The following ITGA11 variants were observed in gnomAD, a reference collection of about 807,000 sequenced individuals.
ITGA11 encodes the protein integrin alpha-11.
Under a neutral mutation model 141.9 loss-of-function variants are expected in ITGA11, and 97 were observed. That is an observed-to-expected ratio of 0.68 (90% CI 0.58 to 0.81). The LOEUF (loss-of-function observed/expected upper bound fraction) is 0.81, where lower values mean the gene tolerates loss of function less well. ITGA11 is among the 30% of genes least tolerant of loss of function. The pLI is 0.00. For missense variants in ITGA11, 1,387 were observed against 1,559.2 expected (o/e 0.89, Z 1.86); for synonymous variants, 658 against 624.6 (o/e 1.05, Z -0.80).
chr15:68,369,407 G>A (rs1895522039), intron 2 of ITGA11, 123 bp from the exon 3 acceptor site: 2 of 646,286 alleles, frequency 3.1e-6, no homozygotes, highest in African/African-American at 1.8e-5. Context: ...AACCCTGGAG[G>A]TGTGACCACA....
chr15:68,351,213 G>T, intron 8 of ITGA11, 45 bp downstream of exon 8: 5 of 1,606,214 alleles, frequency 3.1e-6, no homozygotes, highest in Admixed American at 1.7e-5. Flanking sequence ...TGATGGTAAA[G>T]CCTCTCAGAG....
At chr15:68,417,372 T>C (rs1308514103) in intron 1 of ITGA11, among the ~76,000 whole-genome samples, 7 of 152,240 alleles carry the variant, frequency 4.6e-5, no homozygotes, top group South Asian at 4.1e-4. Flanking sequence ...TCCTGCAAGT[T>C]CTAGCCCTCC....
intron 10 of ITGA11, among the ~76,000 whole-genome samples, chr15:68,341,969 G>A (rs1894587049): frequency 6.6e-6 from 1 of 152,196 alleles, no homozygotes; most frequent in Non-Finnish European, 1.5e-5. Flanking sequence ...CTGCAGTCTT[G>A]GGCCTGCAGT....
rs1358236298 is a variant in ITGA11, at chr15:68,321,073, T to C, written c.2408+345A>G. Among the ~76,000 whole-genome samples, 1 of 152,086 alleles carries C rather than the reference T, an allele frequency of 6.6e-6. No homozygotes were observed. Among genetic ancestry groups the C allele is most frequent in the Non-Finnish European group, 1.5e-5 (1 of 68,030 alleles). Reference sequence around the variant, plus strand: ...GCCAGCGGGCCTAGAGGTCACCTCATCTGGGGGCTGAAGGACAAGCACCCA... The same window carrying C: ...GCCAGCGGGCCTAGAGGTCACCTCACCTGGGGGCTGAAGGACAAGCACCCA... On this transcript the variant is annotated intron_variant, in intron 19 of 29. Coordinates refer to ENST00000315757, the MANE Select transcript of ITGA11 (RefSeq NM_001004439.2). This position sits in a 1 kb window ranked among gnomAD's most constrained non-coding sequence, Gnocchi z 4.9.
At position 68,382,269 on chromosome 15, in the gene ITGA11, A is replaced by C. The variant is rs1257855848; in HGVS notation, c.165-12985T>G. ...ATAAAATCATTGGCTCGGCAGTTGG[A>C]AAGTGGCAGAAGAGAAATTGCAGAG... On this transcript the variant is annotated intron_variant, in intron 2 of 29. Transcript: ENST00000315757. 2.0e-5 allele frequency among the ~76,000 whole-genome samples: 3 copies of C among 152,158 alleles called. 1 individual carries two copies. In the South Asian group the frequency reaches 6.2e-4, roughly 31 times the overall value.
At position 68,303,304 on chromosome 15, in the gene ITGA11, G is replaced by A. The variant is rs1225975597; in HGVS notation, c.3496-174C>T. 6.6e-6 allele frequency among the ~76,000 whole-genome samples: 1 copy of A among 152,140 alleles called. No individual in the cohort carries two copies. The highest frequency in any genetic ancestry group is 1.5e-5 in the Non-Finnish European group (1 of 68,032). ...CTGCCTCTGTGGACTGGAACACAGT[G>A]GATGAGACCATGGGCTGCATGCAAG... On this transcript the variant is annotated intron_variant, in intron 29 of 29. Transcript: ENST00000315757. This position sits in a 1 kb window ranked among gnomAD's most constrained non-coding sequence, Gnocchi z 5.3.
At chr15:68,336,080 C>T in intron 11 of ITGA11, 1 of 575,802 alleles carries the variant, frequency 1.7e-6, no homozygotes, top group Non-Finnish European at 3.1e-6. Flanking sequence ...TGCACCCCAG[C>T]CCCTGCTGGA....
In ITGA11 at chr15:68,362,265, G is replaced by T. The variant is rs1031468456; in HGVS notation, c.358-561C>A. ...TCCCCATTGAAGGACTGAGTGAAGG[G>T]TTCTTCTCAGAGTCATTGTCATTAA... On this transcript the variant is annotated intron_variant, in intron 4 of 29. Coordinates refer to ENST00000315757, the MANE Select transcript of ITGA11 (RefSeq NM_001004439.2). Among the ~76,000 whole-genome samples, 5 of 152,188 alleles carry T rather than the reference G, an allele frequency of 3.3e-5. No individual in the cohort carries two copies. The East Asian group carries it at 7.7e-4, about 23-fold the overall frequency.
At chr15:68,390,676 G>C (rs532987046) in intron 2 of ITGA11, among the ~76,000 whole-genome samples, 1 of 152,328 alleles carries the variant, frequency 6.6e-6, no homozygotes, top group South Asian at 2.1e-4. Flanking sequence ...AATCAAGTCA[G>C]CAGTGGCCTG....
At chr15:68,343,380 C>G (rs1416709742) in intron 10 of ITGA11, among the ~76,000 whole-genome samples, 2 of 152,170 alleles carry the variant, frequency 1.3e-5, no homozygotes, top group African/African-American at 4.8e-5. Flanking sequence ...TAGTAAGTCT[C>G]AAAACGAACA....
At chr15:68,385,613 G>A (rs559092576) in intron 2 of ITGA11, among the ~76,000 whole-genome samples, 134 of 152,294 alleles carry the variant, frequency 8.8e-4, no homozygotes, top group African/African-American at 3.2e-3. Context: ...ATTTAGTTTG[G>A]GTAAATATCA....
rs1446443528 is a variant in ITGA11 at position 68,335,178 on chromosome 15, TG to T, written c.1425+518del. On this transcript the variant is annotated intron_variant, in intron 12 of 29. Transcript: ENST00000315757. This position sits in a 1 kb window ranked among gnomAD's most constrained non-coding sequence, Gnocchi z 4.9. ...GCCCAGGCCTGATTTTGGGGTTATT[TG>T]GGGTCAGGAGGTGGCATGATGCAGG... Among the ~76,000 whole-genome samples the T allele has an allele frequency of 1.3e-5, 2 of 151,990 alleles. No homozygotes were observed. Among genetic ancestry groups the T allele is most frequent in the Non-Finnish European group, 2.9e-5 (2 of 67,980 alleles).
At chr15:68,345,749 G>T (rs1894724644) in intron 10 of ITGA11, among the ~76,000 whole-genome samples, 1 of 152,170 alleles carries the variant, frequency 6.6e-6, no homozygotes, top group Admixed American at 6.5e-5. Context: ...TCAGGGCAAA[G>T]TGGAAAGGCT....
chr15:68,410,737 T>C (rs1417560766), intron 1 of ITGA11, among the ~76,000 whole-genome samples: 2 of 152,166 alleles, frequency 1.3e-5, no homozygotes, highest in Non-Finnish European at 2.9e-5. Flanking sequence ...TTGGGAGCAT[T>C]GCTGGAGGCC....
At chr15:68,374,243 T>C (rs1050378395) in intron 2 of ITGA11, among the ~76,000 whole-genome samples, 3 of 152,336 alleles carry the variant, frequency 2.0e-5, no homozygotes, top group South Asian at 2.1e-4. Flanking sequence ...TTTAACTGAA[T>C]GCATAAAACT....
At chr15:68,403,296 C>T (rs1003780314) in intron 1 of ITGA11, among the ~76,000 whole-genome samples, 7 of 152,136 alleles carry the variant, frequency 4.6e-5, no homozygotes, top group Non-Finnish European at 1.0e-4. Context: ...CCAAATCTGA[C>T]GTTGAAACAG....
Position 68,317,247 on chromosome 15 carries a change from A to T in ITGA11, c.2715+18T>A, listed in dbSNP as rs370537254. On this transcript the variant is annotated intron_variant, in intron 21 of 29. Transcript: ENST00000315757. ...AGTGCCCACCCTGACCCTCCCCCACATTGTCCCCAGTCTCAACCTTGGCCT... is the reference window on the plus strand; with the variant it reads ...AGTGCCCACCCTGACCCTCCCCCACTTTGTCCCCAGTCTCAACCTTGGCCT... 6.7e-6 allele frequency: 10 copies of T among 1,491,624 alleles called. No homozygotes were observed. In the South Asian group the frequency reaches 1.1e-4, roughly 17 times the overall value. The allele number at this position is 1,491,624 out of a possible 1,614,324, so 92.4% of individuals were successfully genotyped here. A position where few individuals can be genotyped will look rare whatever the true frequency, so the allele number is the denominator to read the frequency against.
Position 68,400,779 on chromosome 15 carries a change from AATATT to A in ITGA11, c.164+2134_164+2138del, listed in dbSNP as rs1166655188. On this transcript the variant is annotated intron_variant, in intron 2 of 29. Transcript: ENST00000315757. ...TTATAATATTATATATTATATAATA[AATATT>A]ATATTATATATTATATAATAAATAT... Among the ~76,000 whole-genome samples the A allele has an allele frequency of 3.3e-4, 7 of 21,332 alleles. 1 individual carries two copies. Among genetic ancestry groups the A allele is most frequent in the African/African-American group, 4.7e-4 (2 of 4,238 alleles). The allele number at this position is 21,332 out of a possible 152,430, so 14.0% of individuals were successfully genotyped here.
In ITGA11 at chr15:68,350,911, G is replaced by A. The variant is rs572691882; in HGVS notation, c.895-129C>T. 49 of 888,144 alleles carry A rather than the reference G, an allele frequency of 5.5e-5. No homozygotes were observed. In the Admixed American group the frequency reaches 6.3e-4, roughly 12 times the overall value. 55.0% of individuals were successfully genotyped at this position (888,144 alleles called of 1,614,324 possible). On this transcript the variant is annotated intron_variant, in intron 8 of 29. Coordinates refer to ENST00000315757, the MANE Select transcript of ITGA11 (RefSeq NM_001004439.2). ...GGGCCGGTAGCCATGAGAGTTCCTCGCAATGCCATTTGCATTTGGAATGGA... is the reference window on the plus strand; with the variant it reads ...GGGCCGGTAGCCATGAGAGTTCCTCACAATGCCATTTGCATTTGGAATGGA...
Sources: gnomAD v4.1 joint callset for allele counts (sites outside exome capture counted in the v4.1 genomes callset) on GRCh38, gnomAD v4.1.1 for gene constraint, Gnocchi (gnomAD v3.1) non-coding constraint, MANE v1.5 for transcripts, NCBI Gene and HGNC (gene_info 2026-07-23, HGNC 2026-07-21) for gene names.